The following BCLAF1 variants were observed in gnomAD, a reference collection of about 807,000 sequenced individuals.
BCLAF1 encodes bcl-2-associated transcription factor 1.
Under a neutral mutation model 99.5 loss-of-function variants are expected in BCLAF1, and 10 were observed. The ratio of observed to expected loss-of-function variants is 0.10; its 90% CI spans 0.06 to 0.17. BCLAF1 has a LOEUF of 0.17. BCLAF1 is among the 10% of genes least tolerant of loss of function. BCLAF1 has a pLI of 1.00. For synonymous variants in BCLAF1, 255 were observed against 370.9 expected (o/e 0.69, Z 3.59); for missense variants, 636 against 1,105.8 (o/e 0.58, Z 6.02).
Position 136,273,229 on chromosome 6 carries a change from C to G in BCLAF1, c.1853-42G>C. The G allele has an allele frequency of 2.0e-6, 3 of 1,537,776 alleles. 1 individual carries two copies. In the Middle Eastern group the frequency reaches 5.1e-4, roughly 263 times the overall value. On this transcript the variant is annotated intron_variant, in intron 6 of 12. Transcript: ENST00000531224. ...AATACTGTCCGATTAGTTAACTTTA[C>G]TTTAAGAGAGATTTGTTTGTGACAG... is the stretch of plus-strand genomic sequence containing the variant.
intron 1 of BCLAF1, among the ~76,000 whole-genome samples, chr6:136,286,686 G>C (rs773476692): frequency 2.0e-5 from 3 of 152,190 alleles, no homozygotes; most frequent in Non-Finnish European, 2.9e-5. Flanking sequence ...TAATAAAATG[G>C]GCTGGGTGCG....
intron 2 of BCLAF1, among the ~76,000 whole-genome samples, chr6:136,281,944 T>G (rs1383782678): frequency 6.6e-6 from 1 of 152,246 alleles, no homozygotes; most frequent in Admixed American, 6.5e-5. Context: ...TGCTTTAAGC[T>G]ACACCTGAAA....
rs1780836260 is a variant in BCLAF1, at chr6:136,260,608, T to C, written c.*502A>G. On this transcript the variant is annotated 3_prime_UTR_variant, in exon 13 of 13. Transcript: ENST00000531224. ...AGCTTAGTTTACCATAGTAACAACT[T>C]TTTGTCTGTGGTATACTTCAAAAAT... 1 of 156,688 alleles carries C rather than the reference T, an allele frequency of 6.4e-6. No individual in the cohort carries two copies. The allele number at this position is 156,688 out of a possible 1,614,324, so 9.7% of individuals were successfully genotyped here.
chr6:136,277,830 A>T lies in BCLAF1; in HGVS notation c.1016+35T>A, dbSNP rs199907856. On this transcript the variant is annotated intron_variant, in intron 4 of 12. Transcript: ENST00000531224. ...AAACAGAATTCAAAGAACAAAAACA[A>T]TATTATAATCTAGATTCTGTATTTT... 3.8e-6 allele frequency: 6 copies of T among 1,573,248 alleles called. No individual in the cohort carries two copies. In the South Asian group the frequency reaches 7.0e-5, roughly 18 times the overall value.
chr6:136,263,191 A>T (rs1034413855), intron 11 of BCLAF1, among the ~76,000 whole-genome samples: 4 of 152,194 alleles, frequency 2.6e-5, no homozygotes, highest in African/African-American at 9.7e-5. Context: ...AACTTGCCCA[A>T]GGTCACAGAG....
intron 6 of BCLAF1, among the ~76,000 whole-genome samples, chr6:136,274,628 T>C (rs983105809): frequency 1.3e-5 from 2 of 152,006 alleles, no homozygotes; most frequent in South Asian, 2.1e-4. Flanking sequence ...GCTGTTCTCA[T>C]GTCAAACGAC....
At chr6:136,283,390 A>G (rs1784640471) in intron 1 of BCLAF1, among the ~76,000 whole-genome samples, 1 of 152,134 alleles carries the variant, frequency 6.6e-6, no homozygotes, top group Non-Finnish European at 1.5e-5. Flanking sequence ...AAGCATCTTG[A>G]TACGTCTACA....
At chr6:136,277,335 G>A (rs1415673414) in intron 4 of BCLAF1, among the ~76,000 whole-genome samples, 1 of 152,092 alleles carries the variant, frequency 6.6e-6, no homozygotes, top group African/African-American at 2.4e-5. Flanking sequence ...TATTTATGTA[G>A]GTCACATTCT....
chr6:136,264,353 C>T (rs1432790576), intron 11 of BCLAF1, among the ~76,000 whole-genome samples: 1 of 152,022 alleles, frequency 6.6e-6, no homozygotes, highest in East Asian at 1.9e-4. Flanking sequence ...ACTACAGGCA[C>T]GCACCACCAC....
chr6:136,261,005 A>G lies in BCLAF1; in HGVS notation c.*105T>C, dbSNP rs188600091. 3,993 of 1,275,440 alleles carry G rather than the reference A, an allele frequency of 3.1e-3. 118 individuals are homozygous for G. In the East Asian group the frequency reaches 0.062, roughly 20 times the overall value. 79.0% of individuals were successfully genotyped at this position (1,275,440 alleles called of 1,614,324 possible). ...AAATTTCTATAGACTACTTGCAAAC[A>G]GTAAAATTTAAGTAAAATGCTTACA... On this transcript the variant is annotated 3_prime_UTR_variant, in exon 13 of 13. Transcript: ENST00000531224.
Position 136,260,431 on chromosome 6 carries a change from A to T in BCLAF1, c.*679T>A, listed in dbSNP as rs1329543587. 6.6e-6 allele frequency: 1 copy of T among 152,164 alleles called. No homozygotes were observed. The highest frequency in any genetic ancestry group is 1.9e-4 in the East Asian group (1 of 5,198). The allele number at this position is 152,164 out of a possible 1,614,324, so 9.4% of individuals were successfully genotyped here. A position where few individuals can be genotyped will look rare whatever the true frequency, so the allele number is the denominator to read the frequency against. Reference sequence around the variant, plus strand: ...TGAACGCAAATAGAAAAGGCTCCTAAGAATGTTCTTTATAGGCCACTGCTT... The same window carrying T: ...TGAACGCAAATAGAAAAGGCTCCTATGAATGTTCTTTATAGGCCACTGCTT... On this transcript the variant is annotated 3_prime_UTR_variant, in exon 13 of 13. Coordinates refer to ENST00000531224, the MANE Select transcript of BCLAF1 (RefSeq NM_014739.3).
In BCLAF1 at chr6:136,278,297, G is replaced by A. The variant is rs748453952; in HGVS notation, c.584C>T (p.Pro195Leu). The A allele has an allele frequency of 1.7e-5, 27 of 1,614,164 alleles. No homozygotes were observed. The highest frequency in any genetic ancestry group is 2.3e-5 in the Non-Finnish European group (27 of 1,180,020). ...EEPKDTFEHD[P>L]SESIDEFNKS... ...ATTAAATTCATCGATAGACTCAGAT[G>A]GGTCATGTTCAAATGTATCTTTCGG... Residue 195 changes from proline to leucine, a missense_variant, in exon 4 of 13, where the codon CCA becomes CTA. Transcript: ENST00000531224.
chr6:136,260,567 G>A lies in BCLAF1; in HGVS notation c.*543C>T, dbSNP rs745400431. ...TTTTTTAATTCCTTCTTAAGCATTT[G>A]CTCAAGTGTTAAACTAGCTTAGTTT... On this transcript the variant is annotated 3_prime_UTR_variant, in exon 13 of 13. Transcript: ENST00000531224. The A allele has an allele frequency of 6.6e-6, 1 of 151,940 alleles. No homozygotes were observed. The highest frequency in any genetic ancestry group is 2.4e-5 in the African/African-American group (1 of 40,952). 9.4% of individuals were successfully genotyped at this position (151,940 alleles called of 1,614,324 possible).
At position 136,288,610 on chromosome 6, in the gene BCLAF1, AGT is replaced by A. The variant is rs538760841; in HGVS notation, c.-115+1101_-115+1102del. 7.1e-3 allele frequency among the ~76,000 whole-genome samples: 1,080 copies of A among 152,348 alleles called. 14 individuals are homozygous for A. Among genetic ancestry groups the A allele is most frequent in the African/African-American group, 0.025 (1,026 of 41,576 alleles). ...TCTGAAGTAGCTCATCTTTTTCGTC[AGT>A]GTTAGCCACACTTGCTTTCAACTTC... On this transcript the variant is annotated intron_variant, in intron 1 of 12. Coordinates refer to ENST00000531224, the MANE Select transcript of BCLAF1 (RefSeq NM_014739.3).
chr6:136,267,322 T>A (rs1229236330), intron 10 of BCLAF1, 147 bp from the exon 11 acceptor site: 2 of 977,982 alleles, frequency 2.0e-6, no homozygotes, highest in Admixed American at 5.8e-5. Flanking sequence ...AGGATGGCCA[T>A]TTTATATCAT....
chr6:136,269,684 G>A, intron 8 of BCLAF1, 72 bp from the exon 9 acceptor site: 3 of 1,191,462 alleles, frequency 2.5e-6, no homozygotes, highest in Middle Eastern at 2.2e-4. Flanking sequence ...ATATTATAGA[G>A]TTAAATTTTA....
chr6:136,262,746 A>G (rs965127876), intron 11 of BCLAF1, among the ~76,000 whole-genome samples: 3 of 152,186 alleles, frequency 2.0e-5, no homozygotes, highest in Non-Finnish European at 4.4e-5. Flanking sequence ...CTGCCACTAA[A>G]AATAATGCCC....
At position 136,276,075 on chromosome 6, in the gene BCLAF1, T is replaced by G; in HGVS notation, c.1450A>C (p.Asn484His). ...TTCTTTACTGTTATTCTTTCAGAATTTTTGTCTTCTTCTTTGTGCTTATCT... is the reference window on the plus strand; with the variant it reads ...TTCTTTACTGTTATTCTTTCAGAATGTTTGTCTTCTTCTTTGTGCTTATCT... The part of the protein sequence containing the change: ...TKDKHKEEDK[N>H]SERITVKKET... The change falls in exon 5 of 13, where the codon AAT becomes CAT. Residue 484 changes from asparagine (N) to histidine (H), a missense_variant. Physicochemically the swap from Asn to His is moderately conservative, Grantham distance 68. Coordinates refer to ENST00000531224, the MANE Select transcript of BCLAF1 (RefSeq NM_014739.3). 6.2e-7 allele frequency: 1 copy of G among 1,608,048 alleles called. No homozygotes were observed. The highest frequency in any genetic ancestry group is 8.5e-7 in the Non-Finnish European group (1 of 1,178,608).
Position 136,279,026 on chromosome 6 carries a change from C to CACACACACACACGT in BCLAF1, c.105-251_105-250insACGTGTGTGTGTGT, listed in dbSNP as rs1554219522. Among the ~76,000 whole-genome samples the CACACACACACACGT allele has an allele frequency of 2.7e-3, 404 of 151,170 alleles. 2 individuals carry two copies. Among genetic ancestry groups the CACACACACACACGT allele is most frequent in the South Asian group, 0.02 (95 of 4,752 alleles). On this transcript the variant is annotated intron_variant, in intron 3 of 12. Transcript: ENST00000531224. ...ACACACACACACACACACACACACACGCATGTGTTATATATATCACATGCA... is the reference window on the plus strand; with the variant it reads ...ACACACACACACACACACACACACACACACACACACACGTGCATGTGTTATATATATCACATGCA...
Sources: gnomAD v4.1 joint callset for allele counts (sites outside exome capture counted in the v4.1 genomes callset) on GRCh38, gnomAD v4.1.1 for gene constraint, MANE v1.5 for transcripts, NCBI Gene and HGNC (gene_info 2026-07-23, HGNC 2026-07-21) for gene names.